Variants in ATXN1 observed in about 807,000 individuals in gnomAD.
ATXN1 encodes ataxin 1.
ATXN1 carries 8 observed loss-of-function variants against 56.4 expected under a neutral mutation model. The observed-to-expected ratio is 0.14, with a 90% CI of 0.08 to 0.26. The LOEUF (loss-of-function observed/expected upper bound fraction) is 0.26, where lower values mean the gene tolerates loss of function less well. Ranked by LOEUF, ATXN1 falls within the 10% of genes least tolerant of loss-of-function variation. The probability of loss-of-function intolerance (pLI) is 1.00; values close to 1 mark genes in which losing one functional copy is unlikely to be tolerated. For missense variants in ATXN1, 987 were observed against 1,106.5 expected (o/e 0.89, Z 1.53); for synonymous variants, 514 against 494.6 (o/e 1.04, Z -0.52).
intron 6 of ATXN1, among the ~76,000 whole-genome samples, chr6:16,390,013 G>T (rs1355536283): frequency 6.6e-6 from 1 of 152,276 alleles, no homozygotes; most frequent in Non-Finnish European, 1.5e-5. Flanking sequence ...AATACATACA[G>T]ATTATTAATA....
At chr6:16,663,441 C>A (rs1271615022) in intron 2 of ATXN1, among the ~76,000 whole-genome samples, 1 of 151,922 alleles carries the variant, frequency 6.6e-6, no homozygotes, top group Non-Finnish European at 1.5e-5. Context: ...ATTATTATAA[C>A]AAATTAAGAT....
intron 2 of ATXN1, among the ~76,000 whole-genome samples, chr6:16,687,790 T>C (rs915544626): frequency 6.6e-6 from 1 of 152,168 alleles, no homozygotes; most frequent in African/African-American, 2.4e-5. Context: ...TACGGTCTTT[T>C]TGTGCCTTTA....
intron 6 of ATXN1, among the ~76,000 whole-genome samples, chr6:16,380,247 C>T (rs1043216337): frequency 1.3e-5 from 2 of 152,214 alleles, no homozygotes; most frequent in African/African-American, 4.8e-5. Flanking sequence ...ACCCACGGAA[C>T]AGAGACTCTC....
chr6:16,420,417 C>T (rs1214734759), intron 6 of ATXN1, among the ~76,000 whole-genome samples: 1 of 152,070 alleles, frequency 6.6e-6, no homozygotes, highest in African/African-American at 2.4e-5. Flanking sequence ...CAAACATTTG[C>T]GTGTTTTTAT....
intron 2 of ATXN1, among the ~76,000 whole-genome samples, chr6:16,663,619 C>T (rs1758368289): frequency 6.6e-6 from 1 of 152,044 alleles, no homozygotes; most frequent in African/African-American, 2.4e-5. Flanking sequence ...GCTCATCACG[C>T]AGCAGCCAGG....
At chr6:16,312,187 C>G (rs2113382454) in intron 7 of ATXN1, among the ~76,000 whole-genome samples, 1 of 152,274 alleles carries the variant, frequency 6.6e-6, no homozygotes, top group East Asian at 1.9e-4. Context: ...TGTCTACAAG[C>G]CCTTTATAAC....
chr6:16,372,776 C>T (rs762933472), intron 6 of ATXN1, among the ~76,000 whole-genome samples: 42 of 151,942 alleles, frequency 2.8e-4, no homozygotes, highest in Admixed American at 1.0e-3. Flanking sequence ...ATTAGCTGGG[C>T]GTGGTGGCAC....
intron 6 of ATXN1, among the ~76,000 whole-genome samples, chr6:16,347,246 G>A (rs551892948): frequency 1.3e-5 from 2 of 152,208 alleles, no homozygotes; most frequent in Non-Finnish European, 2.9e-5. Flanking sequence ...CTGGCAGGCA[G>A]CTCCACCTAC....
chr6:16,538,523 C>A (rs969749166), intron 4 of ATXN1, among the ~76,000 whole-genome samples: 4 of 151,938 alleles, frequency 2.6e-5, no homozygotes, highest in African/African-American at 7.3e-5. Flanking sequence ...GGTTGGCGTG[C>A]TGCACCCATT....
intron 6 of ATXN1, among the ~76,000 whole-genome samples, chr6:16,426,624 A>T (rs13208160): frequency 0.56 from 83,062 of 149,140 alleles, 23,158 homozygotes; most frequent in Admixed American, 0.63. Flanking sequence ...TGTGTGTGAG[A>T]GAGAGAGAGA....
intron 4 of ATXN1, among the ~76,000 whole-genome samples, chr6:16,546,278 T>A (rs1185417581): frequency 1.3e-5 from 2 of 152,188 alleles, no homozygotes; most frequent in Non-Finnish European, 2.9e-5. Flanking sequence ...GAACTGTAAT[T>A]TCATCCCTAA....
At chr6:16,356,723 C>T (rs1206069332) in intron 6 of ATXN1, among the ~76,000 whole-genome samples, 1 of 152,100 alleles carries the variant, frequency 6.6e-6, no homozygotes, top group African/African-American at 2.4e-5. Context: ...CTGGGTTATC[C>T]AGTTTTTAAA....
chr6:16,662,489 C>T (rs556831347), intron 2 of ATXN1, among the ~76,000 whole-genome samples: 5 of 152,046 alleles, frequency 3.3e-5, no homozygotes, highest in South Asian at 2.1e-4. Context: ...CACGCCACCA[C>T]GCCCAGCTAA....
At chr6:16,467,447 T>C (rs1760130581) in intron 6 of ATXN1, among the ~76,000 whole-genome samples, 1 of 152,226 alleles carries the variant, frequency 6.6e-6, no homozygotes, top group Non-Finnish European at 1.5e-5. Flanking sequence ...TGGTTTTATT[T>C]GTCAAAACTA....
At chr6:16,347,634 T>C (rs1225601939) in intron 6 of ATXN1, among the ~76,000 whole-genome samples, 2 of 152,204 alleles carry the variant, frequency 1.3e-5, no homozygotes, top group East Asian at 1.9e-4. Context: ...TGGTGGGGAC[T>C]TGGAGAACCT....
chr6:16,330,104 TGG>T (rs749609849), intron 6 of ATXN1, among the ~76,000 whole-genome samples: 8 of 152,116 alleles, frequency 5.3e-5, no homozygotes, highest in Non-Finnish European at 1.2e-4. Context: ...TTTGGAGAGA[TGG>T]GGTCTTGCTA....
chr6:16,442,501 G>A (rs183812927), intron 6 of ATXN1, among the ~76,000 whole-genome samples: 46 of 151,610 alleles, frequency 3.0e-4, no homozygotes, highest in Admixed American at 1.4e-3. Flanking sequence ...AAAAACACGC[G>A]GGAAGAATAT....
intron 2 of ATXN1, among the ~76,000 whole-genome samples, chr6:16,710,845 C>G (rs1406513788): frequency 6.6e-6 from 1 of 152,130 alleles, no homozygotes; most frequent in Non-Finnish European, 1.5e-5. Flanking sequence ...GCCTCGGCCT[C>G]CCAAAGTACT....
chr6:16,679,290 G>T (rs1758756048), intron 2 of ATXN1, among the ~76,000 whole-genome samples: 1 of 150,660 alleles, frequency 6.6e-6, no homozygotes, highest in Non-Finnish European at 1.5e-5. Context: ...ATGGATGGAT[G>T]GATGGATGGA....
Sources: allele counts gnomAD v4.1 joint callset (sites outside exome capture counted in the v4.1 genomes callset), GRCh38; gene constraint gnomAD v4.1.1; transcripts MANE v1.5; gene names NCBI Gene and HGNC (gene_info 2026-07-23, HGNC 2026-07-21).